The following BABAM2 variants were observed in gnomAD, a reference collection of about 807,000 sequenced individuals.
BABAM2 encodes BRISC and BRCA1-A complex member 2.
In BABAM2, 31 loss-of-function variants were observed where a neutral mutation model predicts 54.7. The ratio of observed to expected loss-of-function variants is 0.57; its 90% CI spans 0.43 to 0.77. The LOEUF is 0.77. Among genes scored for constraint, BABAM2 ranks in the 30% least tolerant of loss-of-function variants. The pLI, the probability that BABAM2 is intolerant of heterozygous loss-of-function variation, is 0.00. For synonymous variants in BABAM2, 167 were observed against 162.9 expected, an observed-to-expected ratio of 1.03 and a Z score of -0.19; for missense variants, 364 against 455.8, an observed-to-expected ratio of 0.80 and a Z score of 1.83.
intron 3 of BABAM2, among the ~76,000 whole-genome samples, chr2:27,936,022 G>T (rs907967210): frequency 6.6e-6 from 1 of 152,108 alleles, no homozygotes; most frequent in African/African-American, 2.4e-5. Context: ...AGGTTCAGGC[G>T]ATTCTTCTGC....
chr2:28,118,945 CTA>C (rs1668831338), intron 6 of BABAM2, among the ~76,000 whole-genome samples: 1 of 152,114 alleles, frequency 6.6e-6, no homozygotes, highest in African/African-American at 2.4e-5. Context: ...GTGCATATGG[CTA>C]GCCTGTTTTC....
At chr2:28,313,212 CA>C (rs1689234786) in intron 11 of BABAM2, among the ~76,000 whole-genome samples, 1 of 150,480 alleles carries the variant, frequency 6.6e-6, no homozygotes. Context: ...GTCTAAAAAC[CA>C]AGTACTTTTA....
At chr2:28,253,995 T>G (rs376712672) in intron 10 of BABAM2, among the ~76,000 whole-genome samples, 72 of 152,336 alleles carry the variant, frequency 4.7e-4, no homozygotes, top group African/African-American at 1.7e-3. Context: ...GAGCTACTGA[T>G]TACCAAAAAC....
chr2:27,996,692 C>T (rs1051868413), intron 4 of BABAM2, among the ~76,000 whole-genome samples: 1 of 152,206 alleles, frequency 6.6e-6, no homozygotes, highest in African/African-American at 2.4e-5. Flanking sequence ...CTCTAAGCCT[C>T]AGCAGCAGTT....
intron 7 of BABAM2, among the ~76,000 whole-genome samples, chr2:28,137,411 G>C (rs886743030): frequency 6.6e-6 from 1 of 152,142 alleles, no homozygotes; most frequent in East Asian, 1.9e-4. Flanking sequence ...AGGGACTTGA[G>C]ATGTTCGTTT....
intron 7 of BABAM2, among the ~76,000 whole-genome samples, chr2:28,231,947 A>G (rs977772817): frequency 1.7e-4 from 26 of 151,228 alleles, no homozygotes; most frequent in African/African-American, 5.9e-4. Context: ...AGCTGGGACT[A>G]TAGGCACATA....
chr2:28,178,587 A>G (rs566317213), intron 7 of BABAM2, among the ~76,000 whole-genome samples: 1 of 152,076 alleles, frequency 6.6e-6, no homozygotes, highest in Admixed American at 6.6e-5. Context: ...ATGTACCTCA[A>G]GGAACTAGAA....
intron 11 of BABAM2, among the ~76,000 whole-genome samples, chr2:28,306,569 T>C (rs917712632): frequency 6.6e-6 from 1 of 152,172 alleles, no homozygotes; most frequent in Non-Finnish European, 1.5e-5. Context: ...ATGGTATATA[T>C]TTTTTTCATC....
rs569817400 is a variant in BABAM2, at chr2:28,006,291, T to C, written c.300+18204T>C. Among the ~76,000 whole-genome samples the C allele has an allele frequency of 2.6e-5, 4 of 152,208 alleles. No homozygotes were observed. In the South Asian group the frequency reaches 8.3e-4, roughly 32 times the overall value. ...CTTGTACCTTAAATTACTTGGTACA[T>C]AGTCACAAACCAAAAGTAACCCTGG... is the stretch of plus-strand genomic sequence containing the variant. On this transcript the variant is annotated intron_variant, in intron 4 of 11. Transcript: ENST00000379624.
At chr2:28,073,616 A>G (rs1269016866) in intron 6 of BABAM2, among the ~76,000 whole-genome samples, 1 of 152,226 alleles carries the variant, frequency 6.6e-6, no homozygotes, top group Non-Finnish European at 1.5e-5. Context: ...TCTACCCCCT[A>G]GAAATGAACA....
At chr2:28,203,543 A>G (rs915424873) in intron 7 of BABAM2, among the ~76,000 whole-genome samples, 12 of 151,832 alleles carry the variant, frequency 7.9e-5, no homozygotes, top group Non-Finnish European at 1.5e-4. Context: ...TCATCTTTTT[A>G]CTTTTTCATC....
chr2:28,002,060 T>TAAAAAA (rs5830060), intron 4 of BABAM2, among the ~76,000 whole-genome samples: 3 of 140,040 alleles, frequency 2.1e-5, no homozygotes, highest in Non-Finnish European at 3.1e-5. Flanking sequence ...ATCAAACAGG[T>TAAAAAA]AAAAAAAAAA....
rs181622440 is a variant in BABAM2, at chr2:28,300,516, G to A, written c.1088+2025G>A. 3.0e-3 allele frequency among the ~76,000 whole-genome samples: 450 copies of A among 152,298 alleles called. 3 individuals are homozygous for A. The highest frequency in any genetic ancestry group is 0.01 in the African/African-American group (421 of 41,562). On this transcript the variant is annotated intron_variant, in intron 11 of 11. Coordinates refer to ENST00000379624, the MANE Select transcript of BABAM2 (RefSeq NM_199191.3). ...GTTTTATGCTTGAAGTATTGATATC[G>A]TTTAATTTTCTGGGCTTTCCTTGTG... is the stretch of plus-strand genomic sequence containing the variant.
intron 7 of BABAM2, among the ~76,000 whole-genome samples, chr2:28,148,500 T>G (rs1291619282): frequency 6.6e-6 from 1 of 152,260 alleles, no homozygotes; most frequent in Non-Finnish European, 1.5e-5. Flanking sequence ...CCATAGTGCC[T>G]GCTACATGCA....
intron 7 of BABAM2, among the ~76,000 whole-genome samples, chr2:28,226,717 A>G (rs1231731898): frequency 6.6e-6 from 1 of 152,198 alleles, no homozygotes; most frequent in Non-Finnish European, 1.5e-5. Flanking sequence ...CGCCCCGCAA[A>G]TGGCTGGGAA....
intron 7 of BABAM2, among the ~76,000 whole-genome samples, chr2:28,210,856 T>C (rs945326481): frequency 1.3e-5 from 2 of 152,210 alleles, no homozygotes; most frequent in Admixed American, 6.5e-5. Flanking sequence ...GAAATGATTA[T>C]ATTTCTTCTA....
At chr2:28,276,501 C>T (rs1240406551) in intron 10 of BABAM2, among the ~76,000 whole-genome samples, 1 of 152,208 alleles carries the variant, frequency 6.6e-6, no homozygotes, top group Non-Finnish European at 1.5e-5. Flanking sequence ...TTATCTTCAT[C>T]TCTGGCCTTT....
chr2:28,003,058 A>C (rs1243678863), intron 4 of BABAM2, among the ~76,000 whole-genome samples: 1 of 152,180 alleles, frequency 6.6e-6, no homozygotes, highest in South Asian at 2.1e-4. Context: ...TTTGGTGATT[A>C]TTAGGATTTA....
chr2:27,890,540 G>A (rs1664727485), upstream of BABAM2: 3 of 596,056 alleles, frequency 5.0e-6, no homozygotes, highest in Non-Finnish European at 9.0e-6. The surrounding 1 kb of genome is among the most constrained non-coding windows in gnomAD (Gnocchi z 4.8). Flanking sequence ...TCGGTGCACA[G>A]CCTCACGTAA....
Sources: allele counts gnomAD v4.1 joint callset (sites outside exome capture counted in the v4.1 genomes callset), GRCh38; gene constraint gnomAD v4.1.1; non-coding constraint Gnocchi (gnomAD v3.1); transcripts MANE v1.5; gene names NCBI Gene and HGNC (gene_info 2026-07-23, HGNC 2026-07-21).